The following ABTB3 variants were observed in gnomAD, a reference collection of about 807,000 sequenced individuals.
ABTB3 encodes the protein ankyrin repeat- and BTB/POZ domain-containing protein 3.
chr12:107,422,081 G>T, the ABTB3 span, among the ~76,000 whole-genome samples: 1 of 152,186 alleles, frequency 6.6e-6, no homozygotes, highest in Non-Finnish European at 1.5e-5. Flanking sequence ...GAGGTAGATA[G>T]GTTTGGGGAG....
chr12:107,546,969 G>A, the ABTB3 span, among the ~76,000 whole-genome samples: 2 of 152,146 alleles, frequency 1.3e-5, no homozygotes. Context: ...CAAGGCGGGT[G>A]GATGACTTGA....
chr12:107,332,317 C>T, the ABTB3 span, among the ~76,000 whole-genome samples: 2 of 152,226 alleles, frequency 1.3e-5, no homozygotes, highest in Non-Finnish European at 2.9e-5. Flanking sequence ...AAATCTGACA[C>T]ATTCTGACCA....
chr12:107,497,945 T>C, the ABTB3 span, among the ~76,000 whole-genome samples: 17 of 152,156 alleles, frequency 1.1e-4, no homozygotes, highest in African/African-American at 3.4e-4. Flanking sequence ...TTTTTTCCCA[T>C]GTCAGGAGGG....
At chr12:107,599,211 A>G in the ABTB3 span, among the ~76,000 whole-genome samples, 1 of 152,170 alleles carries the variant, frequency 6.6e-6, no homozygotes, top group African/African-American at 2.4e-5. Flanking sequence ...AGTATTACAC[A>G]TCCCGCTTTT....
chr12:107,417,365 G>T, the ABTB3 span, among the ~76,000 whole-genome samples: 22 of 152,206 alleles, frequency 1.4e-4, no homozygotes, highest in African/African-American at 4.6e-4. Flanking sequence ...TTGACTTACG[G>T]CCTCATCACC....
chr12:107,611,944 A>T, the ABTB3 span, among the ~76,000 whole-genome samples: 1 of 152,212 alleles, frequency 6.6e-6, no homozygotes, highest in Non-Finnish European at 1.5e-5. Context: ...GTTTTCAATT[A>T]TATGTCCCCA....
the ABTB3 span, among the ~76,000 whole-genome samples, chr12:107,491,010 C>A: frequency 3.9e-5 from 6 of 152,236 alleles, no homozygotes; most frequent in Non-Finnish European, 7.4e-5. Flanking sequence ...TCAGATCTGC[C>A]AGACTCCAAA....
chr12:107,652,020 C>G, the ABTB3 span, among the ~76,000 whole-genome samples: 5 of 152,232 alleles, frequency 3.3e-5, no homozygotes, highest in South Asian at 8.3e-4. Flanking sequence ...AGTTCTCAAA[C>G]AGTGCTTCTT....
the ABTB3 span, among the ~76,000 whole-genome samples, chr12:107,549,428 T>C: frequency 6.6e-6 from 1 of 152,206 alleles, no homozygotes; most frequent in Non-Finnish European, 1.5e-5. Flanking sequence ...ATGCAATAAG[T>C]CCAGCATGTT....
the ABTB3 span, among the ~76,000 whole-genome samples, chr12:107,487,733 A>G: frequency 6.6e-6 from 1 of 152,172 alleles, no homozygotes; most frequent in African/African-American, 2.4e-5. Context: ...TGCACACACA[A>G]ACAAGGACCA....
At chr12:107,429,040 G>A in the ABTB3 span, among the ~76,000 whole-genome samples, 2 of 152,238 alleles carry the variant, frequency 1.3e-5, no homozygotes, top group African/African-American at 4.8e-5. Context: ...GAAAGAGAGG[G>A]AGAGAGGAAA....
chr12:107,608,938 AAAAT>A, the ABTB3 span, among the ~76,000 whole-genome samples: 925 of 90,850 alleles, frequency 0.01, 21 homozygotes, highest in African/African-American at 0.033. Context: ...AAAATAAAAT[AAAAT>A]AAATAAAATA....
the ABTB3 span, among the ~76,000 whole-genome samples, chr12:107,393,578 C>G: frequency 1.3e-5 from 2 of 152,184 alleles, no homozygotes; most frequent in Admixed American, 6.5e-5. Context: ...CCCCACTTTA[C>G]AGAAGCACAC....
the ABTB3 span, among the ~76,000 whole-genome samples, chr12:107,552,794 G>T: frequency 6.6e-6 from 1 of 152,086 alleles, no homozygotes; most frequent in Non-Finnish European, 1.5e-5. Flanking sequence ...CCATCCTCTA[G>T]CTACCTCCTT....
the ABTB3 span, among the ~76,000 whole-genome samples, chr12:107,355,243 G>C: frequency 6.6e-6 from 1 of 152,230 alleles, no homozygotes; most frequent in Non-Finnish European, 1.5e-5. Flanking sequence ...CCGTCTATGA[G>C]CTGGAGCCTT....
At chr12:107,564,726 C>A in the ABTB3 span, among the ~76,000 whole-genome samples, 1 of 152,224 alleles carries the variant, frequency 6.6e-6, no homozygotes, top group Non-Finnish European at 1.5e-5. Flanking sequence ...AAGGAGCAAG[C>A]ATGGTTACTG....
the ABTB3 span, chr12:107,320,156 G>T: frequency 7.4e-7 from 1 of 1,344,384 alleles, no homozygotes; most frequent in Non-Finnish European, 9.6e-7. Flanking sequence ...TCCCCCTCCC[G>T]CGTCTTCCCA....
chr12:107,441,261 C>T, the ABTB3 span, among the ~76,000 whole-genome samples: 2 of 152,152 alleles, frequency 1.3e-5, no homozygotes, highest in African/African-American at 4.8e-5. Context: ...ACATATACAC[C>T]ATGGAATACT....
the ABTB3 span, among the ~76,000 whole-genome samples, chr12:107,632,392 G>A: frequency 6.6e-6 from 1 of 152,224 alleles, no homozygotes; most frequent in South Asian, 2.1e-4. Flanking sequence ...GTAGATGAGT[G>A]AGACCTCATC....
Sources: gnomAD v4.1 joint callset for allele counts (sites outside exome capture counted in the v4.1 genomes callset) on GRCh38, gnomAD v4.1.1 for gene constraint, MANE v1.5 for transcripts, NCBI Gene and HGNC (gene_info 2026-07-23, HGNC 2026-07-21) for gene names.